Variants in EIF4G3 observed in about 807,000 individuals in gnomAD.
The protein encoded by EIF4G3 is eIF-4-gamma 3.
A neutral mutation model predicts 186.4 loss-of-function variants in EIF4G3; 34 were observed. The observed-to-expected ratio is 0.18, with a 90% confidence interval of 0.14 to 0.24. The LOEUF (loss-of-function observed/expected upper bound fraction) is 0.24, where lower values mean the gene tolerates loss of function less well. Among genes scored for constraint, EIF4G3 ranks in the 10% least tolerant of loss-of-function variants. The pLI is 1.00. For missense variants in EIF4G3, 1,536 were observed against 1,948.5 expected, an observed-to-expected ratio of 0.79 and a Z score of 3.99; for synonymous variants, 673 against 679.5, an observed-to-expected ratio of 0.99 and a Z score of 0.15.
At position 21,147,832 on chromosome 1, in the gene EIF4G3, A is replaced by T. The variant is rs2097477011; in HGVS notation, c.-272+28343T>A. Reference sequence around the variant, plus strand: ...CAAAAATTGAAAGACTGCAATATTTAATGCTGATAAAAGTAGAGTAGACCC... The same window carrying T: ...CAAAAATTGAAAGACTGCAATATTTTATGCTGATAAAAGTAGAGTAGACCC... On this transcript the variant is annotated intron_variant, in intron 2 of 36. Transcript: ENST00000602326. Among the ~76,000 whole-genome samples, 3 of 152,236 alleles carry T rather than the reference A, an allele frequency of 2.0e-5. 1 individual carries two copies. Among genetic ancestry groups the T allele is most frequent in the African/African-American group, 7.2e-5 (3 of 41,458 alleles).
At position 21,063,541 on chromosome 1, in the gene EIF4G3, T is replaced by C. The variant is rs183763516; in HGVS notation, c.-195-12547A>G. On this transcript the variant is annotated intron_variant, in intron 3 of 36. Coordinates refer to ENST00000602326, the MANE Select transcript of EIF4G3 (RefSeq NM_001391906.1). The stretch of plus-strand genomic sequence containing the variant: ...TGTTTTAAAAATGAGAAGTTGCTTA[T>C]GGTATAATTTTAAGTAAAGAAAGCA... Among the ~76,000 whole-genome samples the C allele has an allele frequency of 2.6e-4, 39 of 152,148 alleles. 1 individual carries two copies. The East Asian group carries it at 7.5e-3, about 29-fold the overall frequency.
rs1234228069 is a variant in EIF4G3 at position 21,176,240 on chromosome 1, CGCCGCCGCCGCCGCCGCCGCCGCCGCT to C, written c.-364_-338del. 4.5e-5 allele frequency: 16 copies of C among 354,964 alleles called. 1 individual carries two copies. Among genetic ancestry groups the C allele is most frequent in the Middle Eastern group, 7.0e-4 (1 of 1,426 alleles). 22.0% of individuals were successfully genotyped at this position (354,964 alleles called of 1,614,324 possible). On this transcript the variant is annotated 5_prime_UTR_variant, in exon 2 of 37. Coordinates refer to ENST00000602326, the MANE Select transcript of EIF4G3 (RefSeq NM_001391906.1). ...GAGGAGGGGGGACCGCTGCCGCCGC[CGCCGCCGCCGCCGCCGCCGCCGCCGCT>C]GCTGCCGCCGCCGGGTGAGGAGGCG... is the stretch of plus-strand genomic sequence containing the variant.
In EIF4G3 at chr1:20,933,146, CA is replaced by C. The variant is rs1286983145; in HGVS notation, c.1663+8344del. Among the ~76,000 whole-genome samples, 10 of 152,150 alleles carry C rather than the reference CA, an allele frequency of 6.6e-5. No homozygotes were observed. In the East Asian group the frequency reaches 1.7e-3, roughly 26 times the overall value. On this transcript the variant is annotated intron_variant, in intron 14 of 36. Transcript: ENST00000602326. ...GCAGGATATTTCCCCCAATCCTTCA[CA>C]GCATCCTGAAGAGCTTAAAAAGACG...
chr1:21,153,785 G>C (rs182944688), intron 2 of EIF4G3, among the ~76,000 whole-genome samples: 1 of 151,782 alleles, frequency 6.6e-6, no homozygotes, highest in East Asian at 1.9e-4. Context: ...GGCTGGTCTC[G>C]AACTCCTGAC....
rs1266182499 is a variant in EIF4G3, at chr1:20,817,419, A to G, written c.4488T>C (p.Asn1496=). 2 of 1,604,276 alleles carry G rather than the reference A, an allele frequency of 1.2e-6. No homozygotes were observed. Among genetic ancestry groups the G allele is most frequent in the South Asian group, 1.1e-5 (1 of 89,254 alleles). ...LEKLIIEDKA[N]DEQIFDWVEA... is the part of the protein sequence containing the mutation. ...CTACCCAGTCAAAGATCTGTTCATCATTCGCTTTGTCCTCAATAATGAGTT... is the reference window on the plus strand; with the variant it reads ...CTACCCAGTCAAAGATCTGTTCATCGTTCGCTTTGTCCTCAATAATGAGTT... Residue 1496 remains asparagine (N), a synonymous_variant, in exon 34 of 37, where the codon AAT becomes AAC. Coordinates refer to ENST00000602326, the MANE Select transcript of EIF4G3 (RefSeq NM_001391906.1).
At chr1:20,959,289 T>C (rs957584661) in intron 12 of EIF4G3, among the ~76,000 whole-genome samples, 8 of 152,020 alleles carry the variant, frequency 5.3e-5, no homozygotes, top group African/African-American at 1.2e-4. Context: ...AATTGAGGAA[T>C]AGACACCCTA....
intron 11 of EIF4G3, among the ~76,000 whole-genome samples, chr1:20,971,790 C>T (rs2075947214): frequency 6.6e-6 from 1 of 152,164 alleles, no homozygotes; most frequent in Admixed American, 6.5e-5. Context: ...CGAGCCTCCA[C>T]ACCCAGCTAA....
At chr1:20,923,242 C>A (rs2094609636) in intron 14 of EIF4G3, among the ~76,000 whole-genome samples, 1 of 152,076 alleles carries the variant, frequency 6.6e-6, no homozygotes, top group Non-Finnish European at 1.5e-5. Flanking sequence ...CACAGTATGT[C>A]ATTAAAAAAA....
chr1:21,076,418 C>A (rs1192279348), intron 3 of EIF4G3, among the ~76,000 whole-genome samples: 2 of 151,848 alleles, frequency 1.3e-5, no homozygotes, highest in African/African-American at 4.8e-5. Context: ...AAAAGCAAAG[C>A]AGCAGAAAAG....
At chr1:20,979,182 GAAGT>G (rs1297889753) in intron 10 of EIF4G3, among the ~76,000 whole-genome samples, 3 of 152,166 alleles carry the variant, frequency 2.0e-5, no homozygotes, top group Non-Finnish European at 4.4e-5. Flanking sequence ...TTTGTTGAAT[GAAGT>G]AAGTAATTTT....
At chr1:21,150,341 C>G (rs2097530105) in intron 2 of EIF4G3, among the ~76,000 whole-genome samples, 1 of 152,124 alleles carries the variant, frequency 6.6e-6, no homozygotes, top group Admixed American at 6.5e-5. Context: ...TATGCCATGT[C>G]ATTTAAAATA....
intron 2 of EIF4G3, among the ~76,000 whole-genome samples, chr1:21,095,750 T>C (rs2096350401): frequency 6.6e-6 from 1 of 152,176 alleles, no homozygotes; most frequent in Admixed American, 6.5e-5. Flanking sequence ...CTAGTCATTT[T>C]TAAGTTTACC....
intron 4 of EIF4G3, among the ~76,000 whole-genome samples, chr1:21,038,197 C>A (rs2093348675): frequency 6.6e-6 from 1 of 152,148 alleles, no homozygotes; most frequent in Admixed American, 6.5e-5. Context: ...TGTGTTCTCT[C>A]AAAAGCAACT....
At chr1:20,949,920 C>CTCT (rs1491102833) in intron 13 of EIF4G3, 83 bp downstream of exon 13, 2 of 1,168,538 alleles carry the variant, frequency 1.7e-6, no homozygotes. Context: ...GGATGCTGTA[C>CTCT]TCTTACTCTT....
chr1:20,973,569 T>G (rs1179597151), intron 10 of EIF4G3, among the ~76,000 whole-genome samples: 1 of 152,190 alleles, frequency 6.6e-6, no homozygotes, highest in Non-Finnish European at 1.5e-5. Flanking sequence ...GGGGAACTAC[T>G]GCCATAGGGA....
intron 14 of EIF4G3, among the ~76,000 whole-genome samples, chr1:20,920,950 C>A (rs2094447862): frequency 6.6e-6 from 1 of 152,086 alleles, no homozygotes. Flanking sequence ...AGTAAGTCTG[C>A]CTCTCTGTTG....
At chr1:20,971,187 C>A (rs756876417) in intron 11 of EIF4G3, among the ~76,000 whole-genome samples, 1 of 152,114 alleles carries the variant, frequency 6.6e-6, no homozygotes, top group Non-Finnish European at 1.5e-5. Context: ...ATATAAAGGA[C>A]CCACTGTTGT....
chr1:21,103,388 C>T (rs1037504909), intron 2 of EIF4G3, among the ~76,000 whole-genome samples: 1 of 152,154 alleles, frequency 6.6e-6, no homozygotes, highest in African/African-American at 2.4e-5. Flanking sequence ...TTAACTTCTA[C>T]AAATCCTGTT....
intron 20 of EIF4G3, among the ~76,000 whole-genome samples, chr1:20,869,888 A>G (rs1047629910): frequency 2.0e-5 from 3 of 152,010 alleles, no homozygotes; most frequent in African/African-American, 7.2e-5. Context: ...ATTTTCTATC[A>G]GTGGTTATAT....
Sources: allele counts gnomAD v4.1 joint callset (sites outside exome capture counted in the v4.1 genomes callset), GRCh38; gene constraint gnomAD v4.1.1; transcripts MANE v1.5; gene names NCBI Gene and HGNC (gene_info 2026-07-23, HGNC 2026-07-21).